ITGA2: variants seen among roughly 807,000 people sequenced by gnomAD.
The protein encoded by ITGA2 is integrin subunit alpha 2.
In ITGA2, 101 loss-of-function variants were observed where a neutral mutation model predicts 146.3. That is an observed-to-expected ratio of 0.69 (90% CI 0.59 to 0.81). The LOEUF is 0.81. ITGA2 is among the 40% of genes least tolerant of loss of function. The pLI is 0.00. For missense variants in ITGA2, 1,281 were observed against 1,402.7 expected (o/e 0.91, Z 1.39); for synonymous variants, 477 against 487.1 (o/e 0.98, Z 0.27).
chr5:53,080,542 CA>C lies in ITGA2; in HGVS notation c.2962del (p.Thr988LeufsTer2). On this transcript the variant is annotated frameshift_variant, in exon 25 of 30. Coordinates refer to ENST00000296585, the MANE Select transcript of ITGA2 (RefSeq NM_002203.4). LOFTEE classifies it high-confidence loss of function. Reference sequence around the variant, plus strand: ...ACAGGAAGTGTTCCAGTAAGCATGGCAACTGTAATCATCCACATCCCTCAGT... The same window carrying C: ...ACAGGAAGTGTTCCAGTAAGCATGGCACTGTAATCATCCACATCCCTCAGT... Reference protein sequence around the residue: ...VTTGSVPVSMATVIIHIPQYT... With the variant: ...VTTGSVPVSMXTVIIHIPQYT... The C allele has an allele frequency of 3.1e-6, 5 of 1,613,576 alleles. No homozygotes were observed. Among genetic ancestry groups the C allele is most frequent in the Non-Finnish European group, 3.4e-6 (4 of 1,179,644 alleles).
intron 16 of ITGA2, among the ~76,000 whole-genome samples, chr5:53,069,827 A>T (rs1745306464): frequency 6.6e-6 from 1 of 151,808 alleles, no homozygotes; most frequent in South Asian, 2.1e-4. Flanking sequence ...CAGGTTCATC[A>T]CAGTAGGTTT....
chr5:53,074,002 A>G (rs1745532659), intron 20 of ITGA2, among the ~76,000 whole-genome samples: 1 of 151,658 alleles, frequency 6.6e-6, no homozygotes, highest in Admixed American at 6.6e-5. Context: ...AAACACCAAC[A>G]TATGATTTTA....
intron 1 of ITGA2, among the ~76,000 whole-genome samples, chr5:53,018,337 C>T (rs1742499661): frequency 6.6e-6 from 1 of 152,124 alleles, no homozygotes; most frequent in African/African-American, 2.4e-5. Flanking sequence ...TGTGTCAGCT[C>T]AGGTGTCCGT....
rs186957084 is a variant in ITGA2 at position 53,074,449 on chromosome 5, G to T, written c.2636G>T (p.Gly879Val). 1.2e-5 allele frequency: 20 copies of T among 1,612,284 alleles called. No homozygotes were observed. In the East Asian group the frequency reaches 4.5e-4, roughly 36 times the overall value. ...ASQKSVACDV[G>V]YPALKREQQV... is the part of the protein sequence containing the mutation. ...CAGAAGTCTGTTGCCTGCGATGTAGGCTACCCTGCTTTAAAGAGAGAACAA... is the reference window on the plus strand; with the variant it reads ...CAGAAGTCTGTTGCCTGCGATGTAGTCTACCCTGCTTTAAAGAGAGAACAA... The change falls in exon 21 of 30, where the codon GGC (glycine) becomes GTC (valine). Residue 879 changes from glycine to valine, a missense_variant. Physicochemically the swap from Gly to Val is moderately radical, Grantham distance 109. Transcript: ENST00000296585.
At chr5:53,087,563 C>G (rs1438535289) in intron 28 of ITGA2, among the ~76,000 whole-genome samples, 1 of 150,988 alleles carries the variant, frequency 6.6e-6, no homozygotes, top group Non-Finnish European at 1.5e-5. Flanking sequence ...GACACTGACA[C>G]TGTGTGGCAT....
At chr5:53,081,498 C>A in intron 25 of ITGA2, 94 bp from the exon 26 acceptor site, 1 of 936,640 alleles carries the variant, frequency 1.1e-6, no homozygotes, top group Non-Finnish European at 1.7e-6. Flanking sequence ...CTTCCCAGAC[C>A]CCTACAAGTG....
intron 6 of ITGA2, among the ~76,000 whole-genome samples, chr5:53,049,000 T>G (rs1159453572): frequency 6.6e-6 from 1 of 150,540 alleles, no homozygotes; most frequent in Non-Finnish European, 1.5e-5. Flanking sequence ...GCATTAAAGG[T>G]ATGGGACATA....
Position 52,989,488 on chromosome 5 carries a change from G to A in ITGA2, c.20G>A (p.Gly7Glu). The part of the protein sequence containing the change: MGPERT[G>E]AAPLPLLLVL... ...CCCAGGATGGGGCCAGAACGGACAG[G>A]GGCCGCGCCGCTGCCGCTGCTGCTG... The change falls in exon 1 of 30, where the codon GGG (glycine) becomes GAG (glutamate). Residue 7 changes from glycine (G) to glutamate (E), a missense_variant. Gly to Glu is a moderately conservative substitution (Grantham distance 98). This residue lies in a region of ITGA2 where 795 missense variants were observed against 841.7 expected (regional missense o/e 0.94). Coordinates refer to ENST00000296585, the MANE Select transcript of ITGA2 (RefSeq NM_002203.4). 1 of 1,614,184 alleles carries A rather than the reference G, an allele frequency of 6.2e-7. No homozygotes were observed.
At chr5:52,998,818 G>A (rs1167441058) in intron 1 of ITGA2, among the ~76,000 whole-genome samples, 3 of 152,174 alleles carry the variant, frequency 2.0e-5, no homozygotes, top group African/African-American at 7.2e-5. Context: ...GAATCTATGA[G>A]CCATGTATGA....
chr5:53,013,517 A>T (rs1383880957), intron 1 of ITGA2, among the ~76,000 whole-genome samples: 1 of 151,830 alleles, frequency 6.6e-6, no homozygotes, highest in Non-Finnish European at 1.5e-5. Flanking sequence ...GTAGCCTTGT[A>T]GTATAGTTTG....
At chr5:53,048,277 A>C (rs1744188219) in intron 4 of ITGA2, 86 bp from the exon 5 acceptor site, 2 of 960,288 alleles carry the variant, frequency 2.1e-6, no homozygotes, top group Non-Finnish European at 3.4e-6. Context: ...AAAAGAGTAG[A>C]GATGATTTCT....
intron 4 of ITGA2, 67 bp downstream of exon 4, chr5:53,045,159 C>A: frequency 8.6e-7 from 1 of 1,160,080 alleles, no homozygotes; most frequent in Non-Finnish European, 1.3e-6. Flanking sequence ...GTCTTCTCAC[C>A]ATCCCTCCCA....
intron 1 of ITGA2, among the ~76,000 whole-genome samples, chr5:53,017,592 C>T (rs770072736): frequency 1.7e-4 from 26 of 152,196 alleles, no homozygotes; most frequent in Non-Finnish European, 7.4e-5. Flanking sequence ...GCAGCATGGC[C>T]GTGTGCCCAT....
At chr5:53,023,790 T>C (rs1451879368) in intron 1 of ITGA2, among the ~76,000 whole-genome samples, 1 of 152,210 alleles carries the variant, frequency 6.6e-6, no homozygotes, top group South Asian at 2.1e-4. Flanking sequence ...AAATACATGT[T>C]GAATTAGACA....
chr5:53,017,591 C>T (rs530993253), intron 1 of ITGA2, among the ~76,000 whole-genome samples: 7 of 152,326 alleles, frequency 4.6e-5, no homozygotes, highest in African/African-American at 1.7e-4. Context: ...GGCAGCATGG[C>T]CGTGTGCCCA....
At chr5:53,090,393 A>G in intron 29 of ITGA2, 126 bp from the exon 30 acceptor site, 1 of 793,848 alleles carries the variant, frequency 1.3e-6, no homozygotes, top group South Asian at 1.4e-5. Context: ...ATCAGTCTGC[A>G]CACCTCCCTT....
At chr5:53,004,792 G>C (rs1741744953) in intron 1 of ITGA2, among the ~76,000 whole-genome samples, 1 of 146,340 alleles carries the variant, frequency 6.8e-6, no homozygotes, top group Admixed American at 6.9e-5. Context: ...CTAATGTTTT[G>C]TTTAAGGACT....
intron 2 of ITGA2, among the ~76,000 whole-genome samples, chr5:53,029,375 TCTC>T (rs1743116912): frequency 6.6e-6 from 1 of 152,136 alleles, no homozygotes; most frequent in South Asian, 2.1e-4. Flanking sequence ...TTTTACACCT[TCTC>T]CTCTGCTTTC....
intron 1 of ITGA2, among the ~76,000 whole-genome samples, chr5:53,008,543 A>T (rs183699963): frequency 4.6e-5 from 7 of 152,034 alleles, no homozygotes; most frequent in Non-Finnish European, 7.4e-5. Flanking sequence ...TTTGATATGA[A>T]CACAAAGTAA....
Sources: allele counts gnomAD v4.1 joint callset (sites outside exome capture counted in the v4.1 genomes callset), GRCh38; gene constraint gnomAD v4.1.1; regional missense constraint gnomAD v4.1.1; transcripts MANE v1.5; gene names NCBI Gene and HGNC (gene_info 2026-07-23, HGNC 2026-07-21).